The following SEPTIN7 variants were observed in gnomAD, a reference collection of about 807,000 sequenced individuals.
The protein encoded by SEPTIN7 is septin 7.
Under a neutral mutation model 63.3 loss-of-function variants are expected in SEPTIN7, and 10 were observed. The observed-to-expected ratio is 0.16, with a 90% CI of 0.10 to 0.27. The LOEUF (loss-of-function observed/expected upper bound fraction) is 0.27. Among genes scored for constraint, SEPTIN7 ranks in the 10% least tolerant of loss-of-function variants. The pLI, the probability that SEPTIN7 is intolerant of heterozygous loss-of-function variation, is 1.00. For missense variants in SEPTIN7, 310 were observed against 521.0 expected (o/e 0.59, Z 3.94); for synonymous variants, 131 against 165.3 (o/e 0.79, Z 1.59).
intron 6 of SEPTIN7, among the ~76,000 whole-genome samples, chr7:35,877,689 T>G (rs1786557139): frequency 6.6e-6 from 1 of 152,252 alleles, no homozygotes; most frequent in East Asian, 1.9e-4. Flanking sequence ...ACTTCGGTTC[T>G]CATTTAGAAT....
Position 35,801,294 on chromosome 7 carries a change from C to T in SEPTIN7, c.61+24C>T, listed in dbSNP as rs757568838. On this transcript the variant is annotated intron_variant, in intron 1 of 13. Coordinates refer to ENST00000350320, the MANE Select transcript of SEPTIN7 (RefSeq NM_001788.6). ...GGGTGAGTCTCAGCTTCGGGTGCCG[C>T]GACTTGGGGTCAGCGGCTCCGAATG... The T allele has an allele frequency of 6.6e-6, 10 of 1,516,700 alleles. No individual in the cohort carries two copies. In the African/African-American group the frequency reaches 1.1e-4, roughly 17 times the overall value. 94.0% of individuals were successfully genotyped at this position (1,516,700 alleles called of 1,614,324 possible). A position where few individuals can be genotyped will look rare whatever the true frequency, so the allele number is the denominator to read the frequency against.
chr7:35,829,575 T>C (rs1481427718), intron 1 of SEPTIN7, among the ~76,000 whole-genome samples: 8 of 152,232 alleles, frequency 5.3e-5, no homozygotes, highest in Admixed American at 5.2e-4. Flanking sequence ...ATTTTTGTTA[T>C]ACCTCTTATC....
intron 1 of SEPTIN7, among the ~76,000 whole-genome samples, chr7:35,818,854 G>T (rs1327806973): frequency 6.8e-6 from 1 of 146,288 alleles, no homozygotes; most frequent in Non-Finnish European, 1.5e-5. Context: ...GAGTGTTCTG[G>T]TTTTTTTTTT....
chr7:35,900,435 C>G (rs974277459), intron 12 of SEPTIN7: 2 of 152,214 alleles, frequency 1.3e-5, no homozygotes, highest in Non-Finnish European at 2.9e-5. Context: ...AAGTCACTGT[C>G]TTAGCTATTG....
intron 3 of SEPTIN7, among the ~76,000 whole-genome samples, chr7:35,857,646 C>G (rs1196227945): frequency 6.6e-6 from 1 of 152,054 alleles, no homozygotes; most frequent in African/African-American, 2.4e-5. Context: ...TCAGGGTATA[C>G]AGCGTATTGC....
In SEPTIN7 at chr7:35,801,235, C is replaced by T; in HGVS notation, c.26C>T (p.Ala9Val). 1 of 1,535,286 alleles carries T rather than the reference C, an allele frequency of 6.5e-7. No homozygotes were observed. The highest frequency in any genetic ancestry group is 8.8e-7 in the Non-Finnish European group (1 of 1,141,958). Residue 9 changes from alanine to valine, a missense_variant, in exon 1 of 14, where the codon GCT (alanine) becomes GTT (valine). Coordinates refer to ENST00000350320, the MANE Select transcript of SEPTIN7 (RefSeq NM_001788.6). MSVSARSA[A>V]AEERSVNSST... ...ATGTCGGTCAGTGCGAGATCCGCTG[C>T]TGCTGAGGAGAGGAGCGTCAACAGC...
rs1180842240 is a variant in SEPTIN7, at chr7:35,811,615, A to G, written c.61+10345A>G. Among the ~76,000 whole-genome samples the G allele has an allele frequency of 2.6e-5, 4 of 152,308 alleles. No homozygotes were observed. In the South Asian group the frequency reaches 6.2e-4, roughly 24 times the overall value. ...CTTATTAAGAGGCGGGCATGGTGGC[A>G]GTGGTTCTCATCGGTAAACCCAGCA... On this transcript the variant is annotated intron_variant, in intron 1 of 13. Coordinates refer to ENST00000350320, the MANE Select transcript of SEPTIN7 (RefSeq NM_001788.6).
chr7:35,905,772 A>G lies in SEPTIN7; in HGVS notation c.*1479A>G, dbSNP rs1230718067. 6.6e-6 allele frequency: 1 copy of G among 152,184 alleles called. No individual in the cohort carries two copies. Among genetic ancestry groups the G allele is most frequent in the African/African-American group, 2.4e-5 (1 of 41,444 alleles). The allele number at this position is 152,184 out of a possible 1,614,324, so 9.4% of individuals were successfully genotyped here. ...GGCCTCTGAGAACAGTTTCTGACTC[A>G]TTCAGATTAGGTATACTCTCAAGTC... is the stretch of plus-strand genomic sequence containing the variant. On this transcript the variant is annotated 3_prime_UTR_variant, in exon 14 of 14. Coordinates refer to ENST00000350320, the MANE Select transcript of SEPTIN7 (RefSeq NM_001788.6).
rs1425014842 is a variant in SEPTIN7 at position 35,898,394 on chromosome 7, T to C, written c.1134+11T>C. 16 of 1,514,478 alleles carry C rather than the reference T, an allele frequency of 1.1e-5. No individual in the cohort carries two copies. The highest frequency in any genetic ancestry group is 2.0e-5 in the Admixed American group (1 of 50,664). 93.8% of individuals were successfully genotyped at this position (1,514,478 alleles called of 1,614,324 possible). A position where few individuals can be genotyped will look rare whatever the true frequency, so the allele number is the denominator to read the frequency against. On this transcript the variant is annotated intron_variant, in intron 12 of 13. Transcript: ENST00000350320. ...GACTCTGAAGCTGAGGTAATCAGTC[T>C]AATATCCCATCTCTTAGCAGACATT...
Position 35,801,071 on chromosome 7 carries a change from C to G in SEPTIN7, c.-139C>G, listed in dbSNP as rs1168743643. 4 of 569,240 alleles carry G rather than the reference C, an allele frequency of 7.0e-6. No homozygotes were observed. The highest frequency in any genetic ancestry group is 1.2e-5 in the Non-Finnish European group (4 of 346,130). The allele number at this position is 569,240 out of a possible 1,614,324, so 35.3% of individuals were successfully genotyped here. The stretch of plus-strand genomic sequence containing the variant: ...GAGGGAGCGGGAGTCGAGCGAGAGC[C>G]TGTGGAGGAGTCCGCCTGCTGTAGC... On this transcript the variant is annotated 5_prime_UTR_variant, in exon 1 of 14. Coordinates refer to ENST00000350320, the MANE Select transcript of SEPTIN7 (RefSeq NM_001788.6).
intron 3 of SEPTIN7, among the ~76,000 whole-genome samples, chr7:35,859,154 T>C (rs1457978342): frequency 6.6e-6 from 1 of 152,166 alleles, no homozygotes; most frequent in Non-Finnish European, 1.5e-5. Context: ...TAAATTTCCT[T>C]CTCAGCACTG....
chr7:35,806,857 A>G (rs903204565), intron 1 of SEPTIN7, among the ~76,000 whole-genome samples: 8 of 152,240 alleles, frequency 5.3e-5, no homozygotes, highest in African/African-American at 1.9e-4. Context: ...AATGAACGTC[A>G]TGGTGTTTTT....
rs114336208 is a variant in SEPTIN7 at position 35,852,808 on chromosome 7, A to G, written c.170-10744A>G. 2.7e-3 allele frequency among the ~76,000 whole-genome samples: 404 copies of G among 152,324 alleles called. 2 individuals are homozygous for G. The highest frequency in any genetic ancestry group is 9.3e-3 in the African/African-American group (387 of 41,570). Reference sequence around the variant, plus strand: ...TATGAGGTACTTGACTTGAGTCAATACAATAACCTACAAATACCTCATTTG... The same window carrying G: ...TATGAGGTACTTGACTTGAGTCAATGCAATAACCTACAAATACCTCATTTG... On this transcript the variant is annotated intron_variant, in intron 3 of 13. Coordinates refer to ENST00000350320, the MANE Select transcript of SEPTIN7 (RefSeq NM_001788.6).
At chr7:35,889,038 AG>A (rs1375033249) in intron 10 of SEPTIN7, among the ~76,000 whole-genome samples, 1 of 152,136 alleles carries the variant, frequency 6.6e-6, no homozygotes, top group Non-Finnish European at 1.5e-5. Flanking sequence ...TTCCTTGTAA[AG>A]GGGATCTTAC....
At chr7:35,912,308 C>T in the SEPTIN7 span, among the ~76,000 whole-genome samples, 1 of 152,240 alleles carries the variant, frequency 6.6e-6, no homozygotes, top group African/African-American at 2.4e-5. Flanking sequence ...CATTCTTAAA[C>T]CACAAACAAT....
At chr7:35,875,568 A>G (rs1311971644) in intron 6 of SEPTIN7, among the ~76,000 whole-genome samples, 1 of 152,336 alleles carries the variant, frequency 6.6e-6, no homozygotes, top group Middle Eastern at 3.4e-3. Flanking sequence ...TCTACCAAGT[A>G]TGAACTGCAT....
chr7:35,913,528 T>C, the SEPTIN7 span, among the ~76,000 whole-genome samples: 3 of 148,858 alleles, frequency 2.0e-5, no homozygotes, highest in Admixed American at 6.7e-5. Flanking sequence ...TCCTTCTTTC[T>C]TTCCTTCCTT....
intron 12 of SEPTIN7, chr7:35,902,165 C>T (rs1392010106): frequency 6.6e-6 from 1 of 150,468 alleles, no homozygotes; most frequent in Non-Finnish European, 1.5e-5. Context: ...TTGAATAGTC[C>T]TTGGGTATTT....
chr7:35,878,350 T>C (rs1270719528), intron 6 of SEPTIN7, among the ~76,000 whole-genome samples: 1 of 152,120 alleles, frequency 6.6e-6, no homozygotes, highest in East Asian at 1.9e-4. Flanking sequence ...AGTATGATGC[T>C]TTCAAGGAAT....
Sources: gnomAD v4.1 joint callset for allele counts (sites outside exome capture counted in the v4.1 genomes callset) on GRCh38, gnomAD v4.1.1 for gene constraint, MANE v1.5 for transcripts, NCBI Gene and HGNC (gene_info 2026-07-23, HGNC 2026-07-21) for gene names.